Variants in WASHC4 observed in about 807,000 individuals in gnomAD.
The protein encoded by WASHC4 is WASH complex subunit 7.
WASHC4 carries 86 observed loss-of-function variants against 166.6 expected under a neutral mutation model. The observed-to-expected ratio is 0.52, with a 90% CI of 0.43 to 0.62. The LOEUF is 0.62. Among genes scored for constraint, WASHC4 ranks in the 20% least tolerant of loss-of-function variants. WASHC4 has a pLI of 0.00. For missense variants in WASHC4, 1,262 were observed against 1,382.4 expected, an observed-to-expected ratio of 0.91 and a Z score of 1.38; for synonymous variants, 446 against 451.6, an observed-to-expected ratio of 0.99 and a Z score of 0.16.
At chr12:105,149,861 C>T in intron 25 of WASHC4, 112 bp downstream of exon 25, 1 of 1,083,076 alleles carries the variant, frequency 9.2e-7, no homozygotes, top group Non-Finnish European at 1.3e-6. Flanking sequence ...TTTATTTTCC[C>T]TATAATTTCT....
intron 15 of WASHC4, among the ~76,000 whole-genome samples, chr12:105,140,073 A>C (rs1020584641): frequency 6.6e-6 from 1 of 151,962 alleles, no homozygotes; most frequent in South Asian, 2.1e-4. Context: ...GGGTTTCACT[A>C]TGTTGGCCAG....
chr12:105,166,767 T>C, intron 32 of WASHC4, 97 bp from the exon 33 acceptor site: 1 of 809,246 alleles, frequency 1.2e-6, no homozygotes, highest in Admixed American at 1.9e-5. Context: ...TAATTTGAAG[T>C]TTGGCAATAC....
chr12:105,165,677 G>T (rs1884769947), intron 32 of WASHC4, among the ~76,000 whole-genome samples: 1 of 151,936 alleles, frequency 6.6e-6, no homozygotes, highest in Admixed American at 6.6e-5. Context: ...ATATAGAGTA[G>T]AGGTGACTCA....
chr12:105,135,433 T>C (rs1176158878), intron 14 of WASHC4, among the ~76,000 whole-genome samples: 1 of 151,600 alleles, frequency 6.6e-6, no homozygotes, highest in Non-Finnish European at 1.5e-5. Flanking sequence ...AAAGGTGTCA[T>C]TTTATGGTCT....
chr12:105,135,412 T>G (rs999619486), intron 14 of WASHC4, among the ~76,000 whole-genome samples: 14 of 151,638 alleles, frequency 9.2e-5, no homozygotes, highest in African/African-American at 3.4e-4. Flanking sequence ...TTTTTTTTTC[T>G]TCTAGCTTTT....
chr12:105,164,565 A>G, intron 31 of WASHC4, 76 bp from the exon 32 acceptor site: 1 of 1,051,774 alleles, frequency 9.5e-7, no homozygotes, highest in South Asian at 1.4e-5. Flanking sequence ...TAAGAGGCAT[A>G]AAAATGCATA....
chr12:105,111,949 T>A (rs7965199), intron 2 of WASHC4, among the ~76,000 whole-genome samples: 51 of 152,220 alleles, frequency 3.4e-4, no homozygotes, highest in African/African-American at 1.2e-3. Flanking sequence ...TCAGTTGTTT[T>A]TAGCATATTC....
intron 13 of WASHC4, among the ~76,000 whole-genome samples, chr12:105,133,321 C>G (rs892974443): frequency 2.6e-5 from 4 of 152,222 alleles, no homozygotes; most frequent in Non-Finnish European, 5.9e-5. Flanking sequence ...ATTACTCATT[C>G]ATCTGCTTCA....
intron 4 of WASHC4, 114 bp from the exon 5 acceptor site, chr12:105,115,070 G>T (rs1013745180): frequency 1.6e-6 from 1 of 616,280 alleles, no homozygotes; most frequent in Non-Finnish European, 3.0e-6. Context: ...AAATGAATTT[G>T]TATGCAAATG....
intron 24 of WASHC4, chr12:105,148,854 TA>T (rs2135812677): frequency 5.1e-6 from 5 of 985,378 alleles, no homozygotes; most frequent in East Asian, 2.3e-4. Context: ...AATCTTTTGC[TA>T]TTTCCATCTG....
chr12:105,165,548 T>A (rs1408138543), intron 32 of WASHC4, among the ~76,000 whole-genome samples: 2 of 152,184 alleles, frequency 1.3e-5, no homozygotes, highest in Non-Finnish European at 2.9e-5. Context: ...CTAGTCTCCT[T>A]TTTGTCTTAC....
intron 13 of WASHC4, among the ~76,000 whole-genome samples, chr12:105,130,436 A>G (rs555813213): frequency 9.2e-5 from 14 of 152,360 alleles, no homozygotes; most frequent in Admixed American, 7.8e-4. Context: ...AAGACTTATC[A>G]CATGATGAGA....
intron 2 of WASHC4, 48 bp downstream of exon 2, chr12:105,111,312 C>G: frequency 8.4e-7 from 1 of 1,194,980 alleles, no homozygotes; most frequent in Non-Finnish European, 1.2e-6. Flanking sequence ...TCTGGACATA[C>G]TATATCCTGA....
intron 26 of WASHC4, among the ~76,000 whole-genome samples, chr12:105,153,122 G>T (rs997456635): frequency 6.6e-6 from 1 of 152,150 alleles, no homozygotes; most frequent in African/African-American, 2.4e-5. Context: ...TTAAACCAGG[G>T]TTATTTAGCT....
intron 24 of WASHC4, chr12:105,147,600 A>G (rs961842610): frequency 5.0e-6 from 5 of 1,008,346 alleles, no homozygotes; most frequent in South Asian, 8.0e-5. Context: ...AATATATTGA[A>G]TCTTCTTAGA....
At chr12:105,153,586 A>AG (rs1883927999) in intron 26 of WASHC4, among the ~76,000 whole-genome samples, 1 of 152,198 alleles carries the variant, frequency 6.6e-6, no homozygotes, top group African/African-American at 2.4e-5. Context: ...TGAGAATCTG[A>AG]GGAAAACTCC....
rs200418780 is a variant in WASHC4 at position 105,160,026 on chromosome 12, C to A, written c.2938C>A (p.His980Asn). 1 of 1,614,008 alleles carries A rather than the reference C, an allele frequency of 6.2e-7. No homozygotes were observed. The highest frequency in any genetic ancestry group is 1.3e-5 in the African/African-American group (1 of 75,056). The change falls in exon 29 of 33, where the codon CAC (histidine) becomes AAC (asparagine). Residue 980 changes from histidine (H) to asparagine (N), a missense_variant. Coordinates refer to ENST00000332180, the MANE Select transcript of WASHC4 (RefSeq NM_015275.3). ...ARHLDSVLSDHTRNSAEGTEY... is the reference protein window; with the variant it reads ...ARHLDSVLSDNTRNSAEGTEY... ...GCATTTGGATTCAGTCCTCAGTGAT[C>A]ACACACGAAATTCTGCCGAAGGCAC...
At chr12:105,136,560 G>A (rs572192183) in intron 14 of WASHC4, among the ~76,000 whole-genome samples, 1 of 152,090 alleles carries the variant, frequency 6.6e-6, no homozygotes, top group Non-Finnish European at 1.5e-5. Context: ...ATGGTTATCT[G>A]GGAATGAGCT....
chr12:105,147,378 A>G, intron 24 of WASHC4: 1 of 532,768 alleles, frequency 1.9e-6, no homozygotes, highest in South Asian at 2.1e-5. Flanking sequence ...CAGAGCCATC[A>G]TTATAAATAG....
Sources: gnomAD v4.1 joint callset for allele counts (sites outside exome capture counted in the v4.1 genomes callset) on GRCh38, gnomAD v4.1.1 for gene constraint, MANE v1.5 for transcripts, NCBI Gene and HGNC (gene_info 2026-07-23, HGNC 2026-07-21) for gene names.